Variants in P4HA3 observed in about 807,000 individuals in gnomAD.
P4HA3 encodes the protein prolyl 4-hydroxylase subunit alpha 3.
In P4HA3, 60 loss-of-function variants were observed where a neutral mutation model predicts 66.7. That is an observed-to-expected ratio of 0.90 (90% CI 0.73 to 1.12). The LOEUF (loss-of-function observed/expected upper bound fraction) is 1.12, where lower values mean the gene tolerates loss of function less well. P4HA3 is among the 50% of genes most tolerant of loss of function. The probability of loss-of-function intolerance (pLI) is 0.00; values close to 1 mark genes in which losing one functional copy is unlikely to be tolerated. For missense variants in P4HA3, 683 were observed against 685.8 expected, an observed-to-expected ratio of 1.00 and a Z score of 0.05; for synonymous variants, 263 against 274.6, an observed-to-expected ratio of 0.96 and a Z score of 0.42.
chr11:74,266,114 G>A (rs147317965), downstream of P4HA3, among the ~76,000 whole-genome samples: 3 of 152,256 alleles, frequency 2.0e-5, no homozygotes, highest in South Asian at 2.1e-4. Context: ...TGAGAAGTGG[G>A]AGTGAAGGTG....
In P4HA3 at chr11:74,277,038, C is replaced by A; in HGVS notation, c.1282G>T (p.Val428Leu). 1 of 1,614,062 alleles carries A rather than the reference C, an allele frequency of 6.2e-7. No homozygotes were observed. The highest frequency in any genetic ancestry group is 8.5e-7 in the Non-Finnish European group (1 of 1,179,978). Residue 428 changes from valine to leucine, a missense_variant, in exon 9 of 13, where the codon GTG becomes TTG. Physicochemically the swap from Val to Leu is conservative, Grantham distance 32. Coordinates refer to ENST00000331597, the MANE Select transcript of P4HA3 (RefSeq NM_182904.5). ...TGTCCTCCGATGCCATAGTTCACCA[C>A]CTGCAGATACTCTGCATAGGGAGGC... ...VRPPYAEYLQVVNYGIGGHYE... is the reference protein window; with the variant it reads ...VRPPYAEYLQLVNYGIGGHYE...
rs770020360 is a variant in P4HA3, at chr11:74,251,721, G to A, written c.*1319-3720C>T. 214 of 1,613,960 alleles carry A rather than the reference G, an allele frequency of 1.3e-4. No individual in the cohort carries two copies. In the Middle Eastern group the frequency reaches 2.0e-3, roughly 15 times the overall value. ...CCCATCGGTGGATTCCAGTGGTAAG[G>A]CGGGTACAAGGGTTTAAGAACCCAG... On this transcript the variant is annotated intron_variant and NMD_transcript_variant, in intron 15 of 15. Coordinates refer to the P4HA3 transcript ENST00000524388.
At chr11:74,265,359 G>A (rs922933645), downstream of P4HA3, among the ~76,000 whole-genome samples, 3 of 152,230 alleles carry the variant, frequency 2.0e-5, no homozygotes, top group African/African-American at 7.2e-5. Context: ...CAGACTCTGA[G>A]GAAGCTGGGT....
rs145467183 is a variant in P4HA3, at chr11:74,252,190, C to T, written c.*1319-4189G>A. Reference sequence around the variant, plus strand: ...CTCAAGTGATCCAGTGCCTCAGTCTCCCGAGTAGCTGGGATCACAGGCGTA... The same window carrying T: ...CTCAAGTGATCCAGTGCCTCAGTCTTCCGAGTAGCTGGGATCACAGGCGTA... On this transcript the variant is annotated intron_variant and NMD_transcript_variant, in intron 15 of 15. Coordinates refer to the P4HA3 transcript ENST00000524388. Among the ~76,000 whole-genome samples the T allele has an allele frequency of 2.5e-3, 374 of 150,090 alleles. 3 individuals are homozygous for T. Among genetic ancestry groups the T allele is most frequent in the African/African-American group, 8.0e-3 (326 of 40,648 alleles).
intron 7 of P4HA3, among the ~76,000 whole-genome samples, chr11:74,281,771 G>T (rs925352006): frequency 6.6e-6 from 1 of 151,792 alleles, no homozygotes; most frequent in African/African-American, 2.4e-5. Flanking sequence ...TATACCTAAT[G>T]CTAGATGACG....
intron 7 of P4HA3, among the ~76,000 whole-genome samples, chr11:74,280,688 A>G (rs892275168): frequency 2.6e-5 from 4 of 152,120 alleles, no homozygotes; most frequent in Admixed American, 1.3e-4. Context: ...AATGAATGAA[A>G]TAGGGCACTG....
intron 9 of P4HA3, among the ~76,000 whole-genome samples, chr11:74,275,551 T>TA (rs1243813190): frequency 1.3e-5 from 2 of 152,234 alleles, no homozygotes; most frequent in African/African-American, 4.8e-5. Flanking sequence ...CTTACACTGG[T>TA]ACCACACTGC....
rs757762599 is a variant in P4HA3, at chr11:74,269,683, A to C, written c.1436T>G (p.Ile479Ser). Residue 479 changes from isoleucine to serine, a missense_variant, in exon 11 of 13, where the codon ATC becomes AGC. By Grantham distance (142) the Ile-to-Ser change is moderately radical (BLOSUM62 -2). Coordinates refer to ENST00000331597, the MANE Select transcript of P4HA3 (RefSeq NM_182904.5). ...CACAGGCACGCTGAGGTTGGCATAG[A>C]TGAAGGCTGTGGCTCCTCCAGCTTC... Reference protein sequence around the residue: ...SVEAGGATAFIYANLSVPVVR... With the variant: ...SVEAGGATAFSYANLSVPVVR... 5 of 1,614,034 alleles carry C rather than the reference A, an allele frequency of 3.1e-6. 1 individual carries two copies. In the East Asian group the frequency reaches 6.7e-5, roughly 22 times the overall value.
At chr11:74,251,516 A>T (rs1345547096) in intron 15 of P4HA3, 2 of 1,470,134 alleles carry the variant, frequency 1.4e-6, no homozygotes, top group African/African-American at 1.4e-5. Context: ...GGTCCTTTTA[A>T]TTTCAAGCCA....
intron 15 of P4HA3, chr11:74,251,198 G>C: frequency 6.9e-7 from 1 of 1,444,056 alleles, no homozygotes; most frequent in Non-Finnish European, 9.1e-7. Flanking sequence ...TATTGGTTTT[G>C]TGTATATGTG....
In P4HA3 at chr11:74,301,104, A is replaced by C. The variant is rs148777980; in HGVS notation, c.567+1265T>G. Among the ~76,000 whole-genome samples, 411 of 152,230 alleles carry C rather than the reference A, an allele frequency of 2.7e-3. 2 individuals are homozygous for C. The highest frequency in any genetic ancestry group is 9.4e-3 in the African/African-American group (390 of 41,540). On this transcript the variant is annotated intron_variant, in intron 3 of 12. Transcript: ENST00000331597. ...GGGATGGGGGGTGGCGAGGAGGATG[A>C]GTGGGGTTTTAGCTGTATGTAACAT...
intron 15 of P4HA3, among the ~76,000 whole-genome samples, chr11:74,254,973 C>T (rs1376396467): frequency 6.6e-6 from 1 of 152,174 alleles, no homozygotes; most frequent in Non-Finnish European, 1.5e-5. Context: ...TGTGCACTGT[C>T]CACATGATCT....
At chr11:74,257,443 T>C (rs1159237621) in intron 15 of P4HA3, among the ~76,000 whole-genome samples, 3 of 152,058 alleles carry the variant, frequency 2.0e-5, no homozygotes, top group South Asian at 2.1e-4. Context: ...GCATTTGAGT[T>C]GAGCCTTGAA....
At chr11:74,275,899 C>T (rs1444157746) in intron 9 of P4HA3, among the ~76,000 whole-genome samples, 1 of 152,094 alleles carries the variant, frequency 6.6e-6, no homozygotes, top group South Asian at 2.1e-4. Flanking sequence ...ATGGAACCAA[C>T]CTAAATGTCC....
intron 5 of P4HA3, 36 bp downstream of exon 5, chr11:74,289,043 G>C (rs768702566): frequency 5.5e-6 from 8 of 1,452,578 alleles, no homozygotes; most frequent in Non-Finnish European, 6.4e-6. Flanking sequence ...CCGTAAATCA[G>C]ACCTGTGGCT....
intron 1 of P4HA3, among the ~76,000 whole-genome samples, chr11:74,310,240 T>C (rs1861692971): frequency 6.6e-6 from 1 of 152,236 alleles, no homozygotes; most frequent in Non-Finnish European, 1.5e-5. Context: ...CAATCATTTA[T>C]CTTTCATTTT....
At chr11:74,278,938 CT>C (rs1860495695) in intron 8 of P4HA3, among the ~76,000 whole-genome samples, 1 of 152,118 alleles carries the variant, frequency 6.6e-6, no homozygotes, top group Non-Finnish European at 1.5e-5. Flanking sequence ...AAGCTGGGCT[CT>C]CACAGCTGAA....
Position 74,266,967 on chromosome 11 carries a change from AG to A in P4HA3, c.*280del. The A allele has an allele frequency of 1.4e-6, 2 of 1,415,548 alleles. No individual in the cohort carries two copies. Among genetic ancestry groups the A allele is most frequent in the Non-Finnish European group, 1.9e-6 (2 of 1,064,198 alleles). The allele number at this position is 1,415,548 out of a possible 1,614,324, so 87.7% of individuals were successfully genotyped here. A position where few individuals can be genotyped will look rare whatever the true frequency, so the allele number is the denominator to read the frequency against. ...TGTTGAGATGTCCTGTTCCCAACAGAGAGTATCTGAACTCCAGAAACTTCCC... is the reference window on the plus strand; with the variant it reads ...TGTTGAGATGTCCTGTTCCCAACAGAAGTATCTGAACTCCAGAAACTTCCC... On this transcript the variant is annotated 3_prime_UTR_variant, in exon 13 of 13. Coordinates refer to ENST00000331597, the MANE Select transcript of P4HA3 (RefSeq NM_182904.5).
At chr11:74,283,783 G>A (rs967348070) in intron 7 of P4HA3, among the ~76,000 whole-genome samples, 1 of 152,152 alleles carries the variant, frequency 6.6e-6, no homozygotes, top group African/African-American at 2.4e-5. Flanking sequence ...TCTGATAGAT[G>A]TCACCTCCAC....
Sources: allele counts gnomAD v4.1 joint callset (sites outside exome capture counted in the v4.1 genomes callset), GRCh38; gene constraint gnomAD v4.1.1; transcripts MANE v1.5; gene names NCBI Gene and HGNC (gene_info 2026-07-23, HGNC 2026-07-21).